The following CYP4X1 variants were observed in gnomAD, a reference collection of about 807,000 sequenced individuals.
The protein encoded by CYP4X1 is cytochrome P450 4X1.
CYP4X1 carries 44 observed loss-of-function variants against 57.9 expected under a neutral mutation model. The observed-to-expected ratio is 0.76, with a 90% CI of 0.60 to 0.98. The LOEUF is 0.98. CYP4X1 is among the 50% of genes least tolerant of loss of function. CYP4X1 has a pLI of 0.00. For missense variants in CYP4X1, 532 were observed against 623.9 expected, an observed-to-expected ratio of 0.85 and a Z score of 1.57; for synonymous variants, 227 against 228.6, an observed-to-expected ratio of 0.99 and a Z score of 0.06.
chr1:46,973,606 C>T, the CYP4X1 span, among the ~76,000 whole-genome samples: 1 of 151,816 alleles, frequency 6.6e-6, no homozygotes, highest in Non-Finnish European at 1.5e-5. Flanking sequence ...CAATTTAATA[C>T]CTTGATATTA....
At chr1:47,052,303 G>A (rs1028305810), downstream of CYP4X1, among the ~76,000 whole-genome samples, 2 of 151,986 alleles carry the variant, frequency 1.3e-5, no homozygotes, top group African/African-American at 4.8e-5. Context: ...ATGTGCCACA[G>A]ACAATTTTGT....
At chr1:46,988,345 A>G in the CYP4X1 span, among the ~76,000 whole-genome samples, 4 of 152,204 alleles carry the variant, frequency 2.6e-5, no homozygotes, top group South Asian at 8.3e-4. Flanking sequence ...GGAAGAAGTC[A>G]AATACCTGAA....
In CYP4X1 at chr1:47,031,442, A is replaced by T. The variant is rs1166351543; in HGVS notation, c.326A>T (p.Lys109Met). ...AKTLLSRTDP[K>M]SQYLQKFSPP... The stretch of plus-strand genomic sequence containing the variant: ...CCTCTGCTTGACTCTGCAGATCCCA[A>T]GTCCCAGTACCTGCAGAAATTCTCA... Residue 109 changes from lysine to methionine, a missense_variant, in exon 3 of 12, where the codon AAG becomes ATG. Transcript: ENST00000371901. The T allele has an allele frequency of 6.2e-7, 1 of 1,614,026 alleles. No individual in the cohort carries two copies. Among genetic ancestry groups the T allele is most frequent in the African/African-American group, 1.3e-5 (1 of 75,024 alleles).
chr1:47,007,311 A>T, the CYP4X1 span, among the ~76,000 whole-genome samples: 2 of 152,226 alleles, frequency 1.3e-5, no homozygotes, highest in Non-Finnish European at 2.9e-5. Context: ...ATACCCAGGC[A>T]AACAGGGTCT....
At chr1:47,022,307 T>C (rs1644006856), upstream of CYP4X1, among the ~76,000 whole-genome samples, 1 of 146,070 alleles carries the variant, frequency 6.8e-6, no homozygotes, top group Non-Finnish European at 1.5e-5. Context: ...TTTTTTTTTT[T>C]TTGAGACGGA....
chr1:47,011,137 A>C, the CYP4X1 span, among the ~76,000 whole-genome samples: 2 of 152,336 alleles, frequency 1.3e-5, no homozygotes, highest in Non-Finnish European at 2.9e-5. Flanking sequence ...TGGAGGCATA[A>C]TGCTATCTGA....
At chr1:46,983,460 G>T in the CYP4X1 span, among the ~76,000 whole-genome samples, 1 of 152,232 alleles carries the variant, frequency 6.6e-6, no homozygotes, top group Non-Finnish European at 1.5e-5. Flanking sequence ...AGCAAGGGCA[G>T]TTCCACTGCA....
the CYP4X1 span, among the ~76,000 whole-genome samples, chr1:47,013,172 C>T: frequency 6.6e-6 from 1 of 152,044 alleles, no homozygotes; most frequent in South Asian, 2.1e-4. Flanking sequence ...AATGGCTACT[C>T]AATAGGCAAA....
the CYP4X1 span, among the ~76,000 whole-genome samples, chr1:47,000,518 C>T: frequency 6.6e-6 from 1 of 152,098 alleles, no homozygotes; most frequent in African/African-American, 2.4e-5. Flanking sequence ...CAACTTTGAC[C>T]TCCAGAACTA....
chr1:47,038,880 T>A, intron 7 of CYP4X1, 114 bp downstream of exon 7: 1 of 746,342 alleles, frequency 1.3e-6, no homozygotes. Flanking sequence ...TAAATTTAAC[T>A]GTACTTTGAA....
In CYP4X1 at chr1:47,048,639, T is replaced by C. The variant is rs762555638; in HGVS notation, c.1272+10T>C. The C allele has an allele frequency of 6.8e-6, 11 of 1,607,636 alleles. No individual in the cohort carries two copies. The highest frequency in any genetic ancestry group is 7.6e-6 in the Non-Finnish European group (9 of 1,178,084). ...CTGGAAAAACCCAAAGGTATGATTCTCTCTTGTACATAAATACTTCCAAGA... is the reference window on the plus strand; with the variant it reads ...CTGGAAAAACCCAAAGGTATGATTCCCTCTTGTACATAAATACTTCCAAGA... On this transcript the variant is annotated intron_variant, in intron 10 of 11. Coordinates refer to ENST00000371901, the MANE Select transcript of CYP4X1 (RefSeq NM_178033.2).
the CYP4X1 span, among the ~76,000 whole-genome samples, chr1:47,014,567 T>G: frequency 6.6e-6 from 1 of 152,226 alleles, no homozygotes; most frequent in Non-Finnish European, 1.5e-5. Context: ...GTTTCTATCA[T>G]TTCAACATCT....
intron 2 of CYP4X1, 79 bp downstream of exon 2, chr1:47,030,210 C>A: frequency 6.6e-7 from 1 of 1,522,450 alleles, no homozygotes; most frequent in South Asian, 1.3e-5. Context: ...GATTCCAAAG[C>A]AAAGATTGGT....
the CYP4X1 span, among the ~76,000 whole-genome samples, chr1:47,015,407 T>TCCGAATCCCTGCCCCTG: frequency 6.6e-6 from 1 of 152,168 alleles, no homozygotes; most frequent in Non-Finnish European, 1.5e-5. Flanking sequence ...TAGCAGCTGC[T>TCCGAATCCCTGCCCCTG]CCGAATCCCT....
chr1:46,999,570 G>A, the CYP4X1 span, among the ~76,000 whole-genome samples: 1 of 151,884 alleles, frequency 6.6e-6, no homozygotes, highest in Non-Finnish European at 1.5e-5. Context: ...ATTTTATTTA[G>A]TTCTGCTCTG....
chr1:47,044,843 A>G (rs755007272), intron 8 of CYP4X1, among the ~76,000 whole-genome samples: 5 of 149,834 alleles, frequency 3.3e-5, no homozygotes, highest in Non-Finnish European at 7.4e-5. Context: ...TTTTTCTGAG[A>G]CCGAGTTTCA....
chr1:47,027,585 A>G (rs1644083844), intron 1 of CYP4X1, among the ~76,000 whole-genome samples: 1 of 152,230 alleles, frequency 6.6e-6, no homozygotes, highest in African/African-American at 2.4e-5. Flanking sequence ...TATTCCTTCT[A>G]TCTAAAGACA....
the CYP4X1 span, among the ~76,000 whole-genome samples, chr1:46,982,457 G>C: frequency 6.6e-6 from 1 of 152,150 alleles, no homozygotes; most frequent in Non-Finnish European, 1.5e-5. Context: ...TTCTAGAATT[G>C]CCAGAGTTCT....
chr1:46,993,650 T>C, the CYP4X1 span, among the ~76,000 whole-genome samples: 1 of 152,260 alleles, frequency 6.6e-6, no homozygotes, highest in Non-Finnish European at 1.5e-5. Flanking sequence ...TGGTATCTCA[T>C]TGCGGTTTTG....
Sources: allele counts gnomAD v4.1 joint callset (sites outside exome capture counted in the v4.1 genomes callset), GRCh38; gene constraint gnomAD v4.1.1; transcripts MANE v1.5; gene names NCBI Gene and HGNC (gene_info 2026-07-23, HGNC 2026-07-21).